SCFD2: variants seen among roughly 807,000 people sequenced by gnomAD.
SCFD2 encodes sec1 family domain-containing protein 2.
In SCFD2, 54 loss-of-function variants were observed where a neutral mutation model predicts 58.9. That is an observed-to-expected ratio of 0.92 (90% CI 0.74 to 1.15). The LOEUF is 1.15. Ranked by LOEUF, SCFD2 falls within the 50% of genes most tolerant of loss-of-function variation. The pLI, the probability that SCFD2 is intolerant of heterozygous loss-of-function variation, is 0.00. For missense variants in SCFD2, 805 were observed against 836.6 expected (o/e 0.96, Z 0.47); for synonymous variants, 321 against 335.9 (o/e 0.96, Z 0.49).
intron 4 of SCFD2, among the ~76,000 whole-genome samples, chr4:53,204,252 T>A (rs531077843): frequency 1.3e-5 from 2 of 151,872 alleles, no homozygotes; most frequent in Non-Finnish European, 2.9e-5. Flanking sequence ...GTTTCTAACA[T>A]GGAATATGGA....
chr4:53,011,924 A>G (rs1722101368), intron 5 of SCFD2, among the ~76,000 whole-genome samples: 1 of 151,794 alleles, frequency 6.6e-6, no homozygotes, highest in Non-Finnish European at 1.5e-5. Flanking sequence ...GATTGTGGGG[A>G]GAGGAAAAGG....
chr4:53,014,227 G>A (rs1278329567), intron 5 of SCFD2, among the ~76,000 whole-genome samples: 1 of 152,190 alleles, frequency 6.6e-6, no homozygotes, highest in Non-Finnish European at 1.5e-5. Context: ...TGGAGATGGA[G>A]TGGCAGTGAT....
At chr4:53,161,971 T>C (rs1235328387) in intron 4 of SCFD2, among the ~76,000 whole-genome samples, 2 of 152,108 alleles carry the variant, frequency 1.3e-5, no homozygotes, top group African/African-American at 4.8e-5. Context: ...ATAAAAATAA[T>C]AAAAACAGGT....
intron 5 of SCFD2, among the ~76,000 whole-genome samples, chr4:53,030,273 G>A (rs1722583297): frequency 1.3e-5 from 2 of 152,042 alleles, no homozygotes; most frequent in Admixed American, 6.6e-5. Flanking sequence ...CACAATGAGT[G>A]GTAGCTACAA....
In SCFD2 at chr4:53,340,247, G is replaced by A. The variant is rs149316491; in HGVS notation, c.1007+12351C>T. Among the ~76,000 whole-genome samples the A allele has an allele frequency of 8.1e-3, 1,238 of 152,232 alleles. 6 individuals are homozygous for A. Among genetic ancestry groups the A allele is most frequent in the Non-Finnish European group, 0.012 (802 of 68,018 alleles). On this transcript the variant is annotated intron_variant, in intron 2 of 8. Transcript: ENST00000401642. ...TGTGACAGACGGCACCTGGAAAATC[G>A]GGTCACTCCCACCCTAATACTGCAC... is the stretch of plus-strand genomic sequence containing the variant.
intron 1 of SCFD2, among the ~76,000 whole-genome samples, chr4:53,360,579 G>A (rs1734523091): frequency 6.6e-6 from 1 of 152,142 alleles, no homozygotes; most frequent in African/African-American, 2.4e-5. Flanking sequence ...GGCCATTGCT[G>A]CTGTCACCTA....
rs571592859 is a variant in SCFD2 at position 53,238,621 on chromosome 4, G to A, written c.1311+35205C>T. On this transcript the variant is annotated intron_variant, in intron 4 of 8. Coordinates refer to ENST00000401642, the MANE Select transcript of SCFD2 (RefSeq NM_152540.4). ...TTCCCAGACGGGGCGGCTGCCAGGCGGAGGAGCTCCTCGCTTCTCAGACGG... is the reference window on the plus strand; with the variant it reads ...TTCCCAGACGGGGCGGCTGCCAGGCAGAGGAGCTCCTCGCTTCTCAGACGG... Among the ~76,000 whole-genome samples the A allele has an allele frequency of 5.3e-4, 80 of 151,652 alleles. No individual in the cohort carries two copies. The East Asian group carries it at 0.011, about 22-fold the overall frequency.
intron 5 of SCFD2, among the ~76,000 whole-genome samples, chr4:53,084,714 C>T (rs996817685): frequency 3.3e-5 from 5 of 152,096 alleles, no homozygotes; most frequent in African/African-American, 1.2e-4. Context: ...GGGATTTATC[C>T]CAGGGATGCA....
intron 5 of SCFD2, among the ~76,000 whole-genome samples, chr4:52,921,577 C>T (rs576910349): frequency 8.5e-4 from 130 of 152,294 alleles, no homozygotes; most frequent in Non-Finnish European, 1.3e-3. Context: ...ACTCATTAAT[C>T]GTCACATCAT....
chr4:52,921,347 A>T (rs1719730572), intron 5 of SCFD2, among the ~76,000 whole-genome samples: 1 of 152,208 alleles, frequency 6.6e-6, no homozygotes, highest in Admixed American at 6.5e-5. Context: ...CACGTGGCAC[A>T]TTTCAGAGGG....
intron 4 of SCFD2, among the ~76,000 whole-genome samples, chr4:53,216,115 G>A (rs181196512): frequency 1.3e-5 from 2 of 151,918 alleles, no homozygotes; most frequent in Non-Finnish European, 2.9e-5. Context: ...CTCTTTTTTT[G>A]TTGTGTCTCT....
chr4:53,285,286 T>C (rs1304457498), intron 3 of SCFD2, among the ~76,000 whole-genome samples: 1 of 152,090 alleles, frequency 6.6e-6, no homozygotes, highest in African/African-American at 2.4e-5. Flanking sequence ...TGGCACATAA[T>C]AGGTAGATTG....
chr4:53,332,437 T>C (rs1047503637), intron 2 of SCFD2, among the ~76,000 whole-genome samples: 20 of 151,670 alleles, frequency 1.3e-4, no homozygotes, highest in African/African-American at 4.8e-4. Flanking sequence ...GCAAGGCTGG[T>C]TCAATATACG....
At chr4:53,337,804 G>C (rs928951130) in intron 2 of SCFD2, among the ~76,000 whole-genome samples, 16 of 152,090 alleles carry the variant, frequency 1.1e-4, no homozygotes, top group Non-Finnish European at 2.2e-4. Flanking sequence ...CCTGACACAA[G>C]AGTATACACT....
chr4:53,322,021 G>T (rs1281015598), intron 2 of SCFD2, among the ~76,000 whole-genome samples: 1 of 152,176 alleles, frequency 6.6e-6, no homozygotes, highest in African/African-American at 2.4e-5. Flanking sequence ...CAGAGATTGA[G>T]AACTTTGGGA....
intron 2 of SCFD2, among the ~76,000 whole-genome samples, chr4:53,332,357 T>G (rs1733508458): frequency 6.6e-6 from 1 of 151,666 alleles, no homozygotes; most frequent in African/African-American, 2.4e-5. Context: ...AATAAAATAC[T>G]GGCAAAACGA....
intron 5 of SCFD2, among the ~76,000 whole-genome samples, chr4:53,076,424 G>T (rs2148853846): frequency 6.6e-6 from 1 of 152,212 alleles, no homozygotes; most frequent in South Asian, 2.1e-4. Context: ...TTACCATCCT[G>T]CAAGGCCCAG....
rs532827248 is a variant in SCFD2, at chr4:52,992,689, G to C, written c.1562-71819C>G. On this transcript the variant is annotated intron_variant, in intron 5 of 8. Coordinates refer to ENST00000401642, the MANE Select transcript of SCFD2 (RefSeq NM_152540.4). ...CTCTGCCTGGCCGCCACCCCATCTG[G>C]GAGGTGAGGAGCGTCTCCGCCCGGC... Among the ~76,000 whole-genome samples the C allele has an allele frequency of 5.5e-4, 83 of 152,252 alleles. 1 individual carries two copies. The highest frequency in any genetic ancestry group is 9.0e-4 in the Non-Finnish European group (61 of 68,018).
At chr4:53,010,434 T>C (rs148238148) in intron 5 of SCFD2, among the ~76,000 whole-genome samples, 4 of 152,344 alleles carry the variant, frequency 2.6e-5, no homozygotes, top group Non-Finnish European at 5.9e-5. Flanking sequence ...GCAAACAGGT[T>C]TGTGCTTTTA....
Sources: allele counts gnomAD v4.1 joint callset (sites outside exome capture counted in the v4.1 genomes callset), GRCh38; gene constraint gnomAD v4.1.1; transcripts MANE v1.5; gene names NCBI Gene and HGNC (gene_info 2026-07-23, HGNC 2026-07-21).